The following MTR variants were observed in gnomAD, a reference collection of about 807,000 sequenced individuals.
MTR encodes the protein 5-methyltetrahydrofolate-homocysteine methyltransferase, also known as methionine synthase.
Under a neutral mutation model 154.8 loss-of-function variants are expected in MTR, and 84 were observed. The observed-to-expected ratio is 0.54, with a 90% CI of 0.45 to 0.65. The LOEUF (loss-of-function observed/expected upper bound fraction) is 0.65. Ranked by LOEUF, MTR falls within the 30% of genes least tolerant of loss-of-function variation. The probability of loss-of-function intolerance (pLI) is 0.00; values close to 1 mark genes in which losing one functional copy is unlikely to be tolerated. For missense variants in MTR, 1,275 were observed against 1,570.2 expected (o/e 0.81, Z 3.18); for synonymous variants, 554 against 553.9 (o/e 1.00, Z 0.00).
At chr1:236,857,198 TC>T (rs1664259185) in intron 18 of MTR, among the ~76,000 whole-genome samples, 1 of 152,194 alleles carries the variant, frequency 6.6e-6, no homozygotes, top group African/African-American at 2.4e-5. Context: ...ATCTGTTGTT[TC>T]CTGACTTTTT....
intron 13 of MTR, among the ~76,000 whole-genome samples, chr1:236,832,442 G>C (rs550286955): frequency 3.9e-5 from 6 of 152,322 alleles, no homozygotes; most frequent in Admixed American, 3.9e-4. Flanking sequence ...GAAAATTCCT[G>C]TCAGTTCCTT....
chr1:236,845,388 T>A (rs1416678644), intron 15 of MTR, among the ~76,000 whole-genome samples: 1 of 152,198 alleles, frequency 6.6e-6, no homozygotes, highest in Non-Finnish European at 1.5e-5. Flanking sequence ...AAGTAAAAAA[T>A]GGTCAAGGTC....
chr1:236,896,996 C>T lies in MTR; in HGVS notation c.3599-10C>T. ...GTCCATAAGCATTTTCCCTGTGTTG[C>T]TCCCTCTAGGCATTAGGTTAACAGA... On this transcript the variant is annotated splice_polypyrimidine_tract_variant and intron_variant, in intron 31 of 32. Coordinates refer to ENST00000366577, the MANE Select transcript of MTR (RefSeq NM_000254.3). 6.2e-7 allele frequency: 1 copy of T among 1,601,754 alleles called. No homozygotes were observed. Among genetic ancestry groups the T allele is most frequent in the Non-Finnish European group, 8.6e-7 (1 of 1,168,818 alleles).
At chr1:236,835,451 T>G in intron 13 of MTR, 96 bp from the exon 14 acceptor site, 2 of 1,493,310 alleles carry the variant, frequency 1.3e-6, no homozygotes, top group East Asian at 4.5e-5. Context: ...TCTGTGTAAT[T>G]TGAAGGATTG....
At chr1:236,870,229 G>A (rs982943246) in intron 22 of MTR, among the ~76,000 whole-genome samples, 2 of 152,174 alleles carry the variant, frequency 1.3e-5, no homozygotes, top group Non-Finnish European at 2.9e-5. Context: ...CCAGCAAGAC[G>A]ACTTTGAAGG....
At chr1:236,835,143 G>T (rs1662832542) in intron 13 of MTR, among the ~76,000 whole-genome samples, 1 of 151,926 alleles carries the variant, frequency 6.6e-6, no homozygotes, top group Non-Finnish European at 1.5e-5. Context: ...GAAGGGAAAG[G>T]GATTGCGTTC....
intron 22 of MTR, among the ~76,000 whole-genome samples, chr1:236,865,131 T>A (rs1426520386): frequency 6.6e-6 from 1 of 152,250 alleles, no homozygotes; most frequent in Non-Finnish European, 1.5e-5. Context: ...TGGAACTGAA[T>A]GTCAGCAGTT....
chr1:236,802,545 A>G (rs1660754462), intron 1 of MTR, among the ~76,000 whole-genome samples: 1 of 152,008 alleles, frequency 6.6e-6, no homozygotes, highest in African/African-American at 2.4e-5. Flanking sequence ...AAAGAAGGGA[A>G]ATAGAGTGAG....
At position 236,795,370 on chromosome 1, in the gene MTR, T is replaced by G. The variant is rs1660306165; in HGVS notation, c.-334T>G. Reference sequence around the variant, plus strand: ...TGTCACGTCGTCCTCCTCTGCCGGTTTTCTCTTGGGTCCTTTTCCGTGCCG... The same window carrying G: ...TGTCACGTCGTCCTCCTCTGCCGGTGTTCTCTTGGGTCCTTTTCCGTGCCG... On this transcript the variant is annotated 5_prime_UTR_variant, in exon 1 of 33. Coordinates refer to ENST00000366577, the MANE Select transcript of MTR (RefSeq NM_000254.3). 1.5e-6 allele frequency: 2 copies of G among 1,375,186 alleles called. No individual in the cohort carries two copies. Among genetic ancestry groups the G allele is most frequent in the South Asian group, 1.2e-5 (1 of 81,294 alleles). 85.2% of individuals were successfully genotyped at this position (1,375,186 alleles called of 1,614,324 possible). A position where few individuals can be genotyped will look rare whatever the true frequency, so the allele number is the denominator to read the frequency against.
rs776127156 is a variant in MTR at position 236,808,811 on chromosome 1, C to T, written c.409+38C>T. ...CTTCTCTTTTTTTGCACACGTGGTT[C>T]CTTTGATACTGTCAGCTATAATGTG... On this transcript the variant is annotated intron_variant, in intron 4 of 32. Transcript: ENST00000366577. The T allele has an allele frequency of 1.5e-5, 23 of 1,578,972 alleles. No individual in the cohort carries two copies. The Admixed American group carries it at 3.7e-4, about 25-fold the overall frequency.
rs369006726 is a variant in MTR at position 236,812,850 on chromosome 1, T to C, written c.609+6T>C. 1 of 1,612,454 alleles carries C rather than the reference T, an allele frequency of 6.2e-7. No individual in the cohort carries two copies. Among genetic ancestry groups the C allele is most frequent in the Non-Finnish European group, 8.5e-7 (1 of 1,178,588 alleles). On this transcript the variant is annotated splice_donor_region_variant and intron_variant, in intron 6 of 32. Transcript: ENST00000366577. ...TTGATACTGCCAATGCCAAGGTGAG[T>C]TAAGGGAGAAAAAACAGACAAGGCT...
At chr1:236,866,603 CA>C (rs1479768645) in intron 22 of MTR, among the ~76,000 whole-genome samples, 6 of 152,130 alleles carry the variant, frequency 3.9e-5, no homozygotes, top group African/African-American at 1.2e-4. Context: ...GAAGGCATGT[CA>C]AAAACTGAAA....
chr1:236,877,290 CAA>C (rs897610738), intron 24 of MTR, among the ~76,000 whole-genome samples: 3 of 152,172 alleles, frequency 2.0e-5, no homozygotes, highest in African/African-American at 7.2e-5. Context: ...GAAAAGTACA[CAA>C]ATCATATAGA....
intron 11 of MTR, among the ~76,000 whole-genome samples, chr1:236,827,633 G>A (rs1360322663): frequency 2.6e-5 from 4 of 152,116 alleles, no homozygotes; most frequent in Non-Finnish European, 4.4e-5. Flanking sequence ...TAAGACAACA[G>A]GTATCTTGAG....
intron 16 of MTR, 21 bp from the exon 17 acceptor site, chr1:236,852,500 A>G (rs1046902337): frequency 5.1e-6 from 8 of 1,583,376 alleles, no homozygotes; most frequent in Admixed American, 3.3e-5. Flanking sequence ...GAATCTTTTC[A>G]TATTTTAAAA....
rs1318765706 is a variant in MTR at position 236,894,360 on chromosome 1, G to A, written c.3208G>A (p.Glu1070Lys). 1.9e-6 allele frequency: 3 copies of A among 1,614,242 alleles called. No homozygotes were observed. The highest frequency in any genetic ancestry group is 1.1e-5 in the South Asian group (1 of 91,084). The change falls in exon 30 of 33, where the codon GAG becomes AAG. Residue 1070 changes from glutamate (E) to lysine (K), a missense_variant. Transcript: ENST00000366577. ...TCCTACACTCCTTGGTTTTAAGGCT[G>A]AGAAGGACTCTGCCAGCACGGAGCC... is the stretch of plus-strand genomic sequence containing the variant. ...ATFYGLRQQA[E>K]KDSASTEPYY...
chr1:236,888,042 A>T (rs913302071), intron 27 of MTR, among the ~76,000 whole-genome samples: 4 of 152,230 alleles, frequency 2.6e-5, no homozygotes, highest in East Asian at 3.9e-4. Flanking sequence ...TAGTAGAAGG[A>T]TGATGAGGAA....
intron 24 of MTR, 127 bp downstream of exon 24, chr1:236,874,973 A>C: frequency 9.2e-7 from 1 of 1,092,690 alleles, no homozygotes; most frequent in South Asian, 1.4e-5. Context: ...TTGTTATATA[A>C]ACACAAACAT....
rs753797011 is a variant in MTR, at chr1:236,835,735, G to C, written c.1329+48G>C. 5 of 1,611,000 alleles carry C rather than the reference G, an allele frequency of 3.1e-6. No homozygotes were observed. In the East Asian group the frequency reaches 1.1e-4, roughly 36 times the overall value. On this transcript the variant is annotated intron_variant, in intron 14 of 32. Coordinates refer to ENST00000366577, the MANE Select transcript of MTR (RefSeq NM_000254.3). ...CAGGGGGATTTACTTGTCTCACTTT[G>C]ACACTCATTTAACCGTGCCAGTTGT...
Sources: allele counts gnomAD v4.1 joint callset (sites outside exome capture counted in the v4.1 genomes callset), GRCh38; gene constraint gnomAD v4.1.1; transcripts MANE v1.5; gene names NCBI Gene and HGNC (gene_info 2026-07-23, HGNC 2026-07-21).